The following RALYL variants were observed in gnomAD, a reference collection of about 807,000 sequenced individuals.
The protein encoded by RALYL is RNA-binding Raly-like protein.
RALYL carries 29 observed loss-of-function variants against 35.1 expected under a neutral mutation model. That is an observed-to-expected ratio of 0.83 (90% confidence interval 0.61 to 1.13). The LOEUF (loss-of-function observed/expected upper bound fraction) is 1.13. Ranked by LOEUF, RALYL falls within the 50% of genes most tolerant of loss-of-function variation. The pLI is 0.00. For synonymous variants in RALYL, 120 were observed against 127.6 expected, an observed-to-expected ratio of 0.94 and a Z score of 0.40; for missense variants, 359 against 360.4, an observed-to-expected ratio of 1.00 and a Z score of 0.03.
At chr8:84,641,251 A>G (rs1242036512) in intron 2 of RALYL, among the ~76,000 whole-genome samples, 1 of 151,636 alleles carries the variant, frequency 6.6e-6, no homozygotes, top group Non-Finnish European at 1.5e-5. Context: ...CCTCCAAATT[A>G]TATAAAAGTA....
intron 1 of RALYL, among the ~76,000 whole-genome samples, chr8:84,333,269 T>C (rs576439440): frequency 6.6e-6 from 1 of 152,216 alleles, no homozygotes; most frequent in Non-Finnish European, 1.5e-5. Context: ...ATAAATATCA[T>C]TGAGATAATG....
chr8:84,438,556 T>TTG, intron 1 of RALYL, among the ~76,000 whole-genome samples: 1 of 152,022 alleles, frequency 6.6e-6, no homozygotes, highest in South Asian at 2.1e-4. Context: ...AATAAGCTAT[T>TTG]TTTTTAAAAA....
intron 2 of RALYL, among the ~76,000 whole-genome samples, chr8:84,722,772 A>T (rs551882545): frequency 2.0e-5 from 3 of 150,054 alleles, no homozygotes; most frequent in African/African-American, 7.3e-5. Flanking sequence ...TTACATATGG[A>T]TACACATAAC....
chr8:84,630,515 G>A (rs1189851972), intron 2 of RALYL, among the ~76,000 whole-genome samples: 1 of 152,006 alleles, frequency 6.6e-6, no homozygotes, highest in Non-Finnish European at 1.5e-5. Context: ...AAGTGGGAAG[G>A]ATGATGCAGT....
rs149378273 is a variant in RALYL at position 84,253,271 on chromosome 8, C to T, written c.-24+68847C>T. Among the ~76,000 whole-genome samples, 506 of 139,402 alleles carry T rather than the reference C, an allele frequency of 3.6e-3. 3 individuals are homozygous for T. The highest frequency in any genetic ancestry group is 0.013 in the African/African-American group (492 of 37,924). 91.5% of individuals were successfully genotyped at this position (139,402 alleles called of 152,430 possible). A position where few individuals can be genotyped will look rare whatever the true frequency, so the allele number is the denominator to read the frequency against. On this transcript the variant is annotated intron_variant, in intron 1 of 8. Transcript: ENST00000521268. ...GTGGTGCGATCTCAGCTCACTTCAACCTCCACCTTCCGGGTTCAAGCTATT... is the reference window on the plus strand; with the variant it reads ...GTGGTGCGATCTCAGCTCACTTCAATCTCCACCTTCCGGGTTCAAGCTATT...
chr8:84,770,004 G>A (rs1446371821), intron 2 of RALYL, among the ~76,000 whole-genome samples: 1 of 151,952 alleles, frequency 6.6e-6, no homozygotes, highest in African/African-American at 2.4e-5. Context: ...TCCTTTAGAG[G>A]TAAACTTCAT....
At chr8:84,550,125 C>T (rs1337100674) in intron 2 of RALYL, among the ~76,000 whole-genome samples, 1 of 152,054 alleles carries the variant, frequency 6.6e-6, no homozygotes, top group African/African-American at 2.4e-5. Context: ...ATGTTTCTTT[C>T]CAAAGAACTT....
intron 4 of RALYL, among the ~76,000 whole-genome samples, chr8:84,810,184 CATT>C (rs1825599283): frequency 6.6e-6 from 1 of 152,042 alleles, no homozygotes; most frequent in Non-Finnish European, 1.5e-5. Flanking sequence ...TAGGTTGTGT[CATT>C]ATTGTCGTTC....
chr8:84,185,068 A>G (rs1467238794), intron 1 of RALYL: 2 of 1,589,148 alleles, frequency 1.3e-6, no homozygotes, highest in Admixed American at 1.7e-5. Context: ...TTTCTTAGGG[A>G]TGCTGTCTTT....
In RALYL at chr8:84,695,092, G is replaced by T. The variant is rs185755354; in HGVS notation, c.257-79487G>T. Among the ~76,000 whole-genome samples, 99 of 151,702 alleles carry T rather than the reference G, an allele frequency of 6.5e-4. 1 individual carries two copies. The highest frequency in any genetic ancestry group is 6.8e-3 in the Middle Eastern group (2 of 294). On this transcript the variant is annotated intron_variant, in intron 2 of 8. Coordinates refer to ENST00000521268, the MANE Select transcript of RALYL (RefSeq NM_173848.7). Reference sequence around the variant, plus strand: ...GGATTAACCAGAAATGCCTTGATTTGGTATTTTTATTATAAAAGTTTTCTT... The same window carrying T: ...GGATTAACCAGAAATGCCTTGATTTTGTATTTTTATTATAAAAGTTTTCTT...
chr8:84,833,362 G>C (rs1309901167), intron 4 of RALYL, among the ~76,000 whole-genome samples: 1 of 152,022 alleles, frequency 6.6e-6, no homozygotes, highest in Admixed American at 6.6e-5. Context: ...ATCTGGCCGG[G>C]TGCAGTGGCT....
intron 2 of RALYL, among the ~76,000 whole-genome samples, chr8:84,634,116 T>C (rs551690801): frequency 2.6e-4 from 39 of 151,996 alleles, no homozygotes; most frequent in Admixed American, 2.6e-3. Flanking sequence ...ATTGTTAGAT[T>C]AGATTAGAAT....
intron 5 of RALYL, among the ~76,000 whole-genome samples, chr8:84,860,049 A>G (rs1469677677): frequency 6.6e-6 from 1 of 152,220 alleles, no homozygotes; most frequent in Non-Finnish European, 1.5e-5. Flanking sequence ...TTCTCAGCAT[A>G]AGATCAGGCC....
chr8:84,258,312 T>C (rs1373014087), intron 1 of RALYL, among the ~76,000 whole-genome samples: 4 of 152,142 alleles, frequency 2.6e-5, no homozygotes, highest in South Asian at 2.1e-4. Context: ...AAATCAGAAT[T>C]CAGTAAATTT....
At chr8:84,830,023 G>A (rs1054982934) in intron 4 of RALYL, among the ~76,000 whole-genome samples, 7 of 140,594 alleles carry the variant, frequency 5.0e-5, no homozygotes, top group Admixed American at 2.8e-4. Flanking sequence ...TACTGGGGGG[G>A]GGGGGGCATT....
intron 1 of RALYL, among the ~76,000 whole-genome samples, chr8:84,207,268 C>T (rs1304970892): frequency 1.3e-5 from 2 of 151,608 alleles, no homozygotes; most frequent in Non-Finnish European, 2.9e-5. Context: ...ACCTAAGTGT[C>T]CATCAATGGA....
At chr8:84,182,892 G>A (rs1165089999), upstream of RALYL, 1 of 152,796 alleles carries the variant, frequency 6.5e-6, no homozygotes, top group African/African-American at 2.4e-5. Flanking sequence ...ATGAGTGAAT[G>A]TGGGCTTGAA....
intron 2 of RALYL, among the ~76,000 whole-genome samples, chr8:84,638,494 A>C (rs1825535395): frequency 6.6e-6 from 1 of 151,908 alleles, no homozygotes; most frequent in Non-Finnish European, 1.5e-5. Context: ...ACAATAAAAA[A>C]TGCAAAAGAT....
intron 1 of RALYL, among the ~76,000 whole-genome samples, chr8:84,413,768 A>G (rs2044338609): frequency 6.6e-6 from 1 of 152,080 alleles, no homozygotes; most frequent in Admixed American, 6.5e-5. Flanking sequence ...AATGATTTCC[A>G]TATAGAATTA....
Sources: gnomAD v4.1 joint callset for allele counts (sites outside exome capture counted in the v4.1 genomes callset) on GRCh38, gnomAD v4.1.1 for gene constraint, MANE v1.5 for transcripts, NCBI Gene and HGNC (gene_info 2026-07-23, HGNC 2026-07-21) for gene names.